Variants in NLRC3 observed in about 807,000 individuals in gnomAD.
The protein encoded by NLRC3 is NLR family CARD domain containing 3, also known as NLR family CARD domain-containing protein 3.
Under a neutral mutation model 91.6 loss-of-function variants are expected in NLRC3, and 87 were observed. The ratio of observed to expected loss-of-function variants is 0.95; its 90% CI spans 0.80 to 1.14. The LOEUF is 1.14. Ranked by LOEUF, NLRC3 falls within the 50% of genes most tolerant of loss-of-function variation. NLRC3 has a pLI of 0.00. For synonymous variants in NLRC3, 694 were observed against 625.3 expected (o/e 1.11, Z -1.64); for missense variants, 1,577 against 1,418.6 (o/e 1.11, Z -1.79).
In NLRC3 at chr16:3,573,528, C is replaced by A. The variant is rs901237483; in HGVS notation, c.-169+3621G>T. 2.6e-5 allele frequency among the ~76,000 whole-genome samples: 4 copies of A among 152,148 alleles called. No individual in the cohort carries two copies. The South Asian group carries it at 8.3e-4, about 32-fold the overall frequency. ...GCCTGATATGCCAGAGGCCAGGATACGGGGTCCTCTGTCCTTCACTGTGTG... is the reference window on the plus strand; with the variant it reads ...GCCTGATATGCCAGAGGCCAGGATAAGGGGTCCTCTGTCCTTCACTGTGTG... On this transcript the variant is annotated intron_variant, in intron 1 of 19. Transcript: ENST00000359128.
chr16:3,570,142 C>G (rs2040046755), intron 1 of NLRC3, among the ~76,000 whole-genome samples: 1 of 151,952 alleles, frequency 6.6e-6, no homozygotes, highest in African/African-American at 2.4e-5. Context: ...GCTGTATAAT[C>G]TACTGCCTCT....
rs540032572 is a variant in NLRC3, at chr16:3,563,606, G to A, written c.1331C>T (p.Thr444Met). The change falls in exon 5 of 20, where the codon ACG becomes ATG. Residue 444 changes from threonine (T) to methionine (M), a missense_variant. Physicochemically the swap from Thr to Met is moderately conservative, Grantham distance 81. Coordinates refer to ENST00000359128, the MANE Select transcript of NLRC3 (RefSeq NM_178844.4). The part of the protein sequence containing the change: ...PCSCFLQREE[T>M]LASSVAYCFT... Reference sequence around the variant, plus strand: ...GCAGTAGGCCACTGACGATGCCAACGTCTCCTCTCTCTGCAGGAAGCAGCT... The same window carrying A: ...GCAGTAGGCCACTGACGATGCCAACATCTCCTCTCTCTGCAGGAAGCAGCT... 52 of 1,613,266 alleles carry A rather than the reference G, an allele frequency of 3.2e-5. No individual in the cohort carries two copies. The Admixed American group carries it at 4.0e-4, about 12-fold the overall frequency.
intron 15 of NLRC3, among the ~76,000 whole-genome samples, chr16:3,546,596 G>A (rs1461008861): frequency 3.3e-5 from 5 of 152,200 alleles, no homozygotes; most frequent in African/African-American, 9.6e-5. Context: ...AGTGGGAGGT[G>A]AGAGTGAAGG....
chr16:3,560,581 C>T (rs983142291), intron 6 of NLRC3, among the ~76,000 whole-genome samples: 3 of 152,328 alleles, frequency 2.0e-5, no homozygotes, highest in East Asian at 1.9e-4. Flanking sequence ...TTCCAGGAGA[C>T]GTTTCATAAG....
At chr16:3,548,287 G>T in intron 14 of NLRC3, 69 bp from the exon 15 acceptor site, 1 of 1,216,856 alleles carries the variant, frequency 8.2e-7, no homozygotes, top group Non-Finnish European at 1.2e-6. Flanking sequence ...GAGCCAAGGA[G>T]GCTCTGATGG....
At chr16:3,571,660 T>C (rs2040102244) in intron 1 of NLRC3, among the ~76,000 whole-genome samples, 1 of 151,764 alleles carries the variant, frequency 6.6e-6, no homozygotes, top group Non-Finnish European at 1.5e-5. Context: ...TTAAAATATT[T>C]GCCAGGCGTG....
At chr16:3,575,592 C>A (rs1417557665) in intron 1 of NLRC3, among the ~76,000 whole-genome samples, 1 of 152,202 alleles carries the variant, frequency 6.6e-6, no homozygotes, top group Non-Finnish European at 1.5e-5. Flanking sequence ...AGGTTTCACC[C>A]CTAGAGCTTT....
rs1018795818 is a variant in NLRC3, at chr16:3,549,771, G to T, written c.2445C>A (p.Ser815Arg). ...CCACTCCTGCGTCACTGATGGAATTGCTCTGCAGGCTGCGGAAAGAGGAGG... is the reference window on the plus strand; with the variant it reads ...CCACTCCTGCGTCACTGATGGAATTTCTCTGCAGGCTGCGGAAAGAGGAGG... Reference protein sequence around the residue: ...NQGLESLDLQSNSISDAGVAA... With the variant: ...NQGLESLDLQRNSISDAGVAA... The change falls in exon 12 of 20, where the codon AGC (serine) becomes AGA (arginine). Residue 815 changes from serine to arginine, a missense_variant. Transcript: ENST00000359128. 1 of 1,550,372 alleles carries T rather than the reference G, an allele frequency of 6.5e-7. No individual in the cohort carries two copies. The highest frequency in any genetic ancestry group is 1.4e-5 in the African/African-American group (1 of 73,030).
chr16:3,575,599 C>T (rs988512545), intron 1 of NLRC3, among the ~76,000 whole-genome samples: 1 of 152,212 alleles, frequency 6.6e-6, no homozygotes, highest in African/African-American at 2.4e-5. Flanking sequence ...ACCCCTAGAG[C>T]TTTGTCTGTG....
intron 1 of NLRC3, among the ~76,000 whole-genome samples, chr16:3,575,424 CAG>C (rs1161515446): frequency 2.0e-5 from 3 of 151,858 alleles, no homozygotes; most frequent in African/African-American, 2.4e-5. Flanking sequence ...AGCTGAAAGA[CAG>C]AGAGACTGAG....
At chr16:3,557,041 A>G (rs1257120256) in intron 7 of NLRC3, 47 bp from the exon 8 acceptor site, 2 of 1,340,266 alleles carry the variant, frequency 1.5e-6, no homozygotes, top group Admixed American at 3.4e-5. Context: ...TCTCCCAGAG[A>G]GGGAAGGGGA....
intron 1 of NLRC3, among the ~76,000 whole-genome samples, chr16:3,567,542 G>C (rs948504951): frequency 4.6e-5 from 7 of 152,050 alleles, no homozygotes; most frequent in Non-Finnish European, 7.4e-5. Flanking sequence ...GGGAGGCTGA[G>C]GCAGGCGGAT....
chr16:3,561,169 G>A (rs2039591894), intron 6 of NLRC3, among the ~76,000 whole-genome samples: 1 of 151,596 alleles, frequency 6.6e-6, no homozygotes, highest in African/African-American at 2.4e-5. Flanking sequence ...GGTTAACATG[G>A]TGAAACCCTG....
chr16:3,564,275 A>G lies in NLRC3; in HGVS notation c.662T>C (p.Leu221Ser). 1.9e-6 allele frequency: 3 copies of G among 1,612,248 alleles called. No homozygotes were observed. Among genetic ancestry groups the G allele is most frequent in the Non-Finnish European group, 2.5e-6 (3 of 1,179,606 alleles). ...PARALLILDGLDECRTPLDFS... is the reference protein window; with the variant it reads ...PARALLILDGSDECRTPLDFS... ...GTCCAGAGGCGTCCTGCACTCATCC[A>G]AGCCGTCCAGGATCAGGAGGGCCCT... Residue 221 changes from leucine to serine, a missense_variant, in exon 5 of 20, where the codon TTG becomes TCG. Leu to Ser is a moderately radical substitution (Grantham distance 145, BLOSUM62 -2). Coordinates refer to ENST00000359128, the MANE Select transcript of NLRC3 (RefSeq NM_178844.4). The surrounding 1 kb of genome is among the most constrained non-coding windows in gnomAD (Gnocchi z 5.9).
Position 3,557,629 on chromosome 16 carries a change from C to A in NLRC3, c.2063G>T (p.Arg688Ile). Reference sequence around the variant, plus strand: ...CAGACTTCTGTTGACCAAGAGGGATCTGGCCAGAGCTTTGGCCCCTTTGTT... The same window carrying A: ...CAGACTTCTGTTGACCAAGAGGGATATGGCCAGAGCTTTGGCCCCTTTGTT... ...ISNKGAKALA[R>I]SLLVNRSLTS... Residue 688 changes from arginine to isoleucine, a missense_variant, in exon 7 of 20, where the codon AGA (arginine) becomes ATA (isoleucine). Physicochemically the swap from Arg to Ile is moderately conservative, Grantham distance 97 (BLOSUM62 -3). Transcript: ENST00000359128. The A allele has an allele frequency of 6.2e-7, 1 of 1,613,708 alleles. No homozygotes were observed. Among genetic ancestry groups the A allele is most frequent in the Non-Finnish European group, 8.5e-7 (1 of 1,179,704 alleles).
Position 3,556,989 on chromosome 16 carries a change from C to T in NLRC3, c.2105G>A (p.Arg702His), listed in dbSNP as rs752463243. The T allele has an allele frequency of 1.2e-5, 20 of 1,612,470 alleles. No individual in the cohort carries two copies. Among genetic ancestry groups the T allele is most frequent in the East Asian group, 4.5e-5 (2 of 44,870 alleles). The change falls in exon 8 of 20, where the codon CGC (arginine) becomes CAC (histidine). Residue 702 changes from arginine to histidine, a missense_variant. Transcript: ENST00000359128. ...CCCTTGTGGTCCAATGGAGTTACCG[C>T]GGAGGCTGAAGGAAGAGAGAAAGAG... ...VNRSLTSLDLRGNSIGPQGAK... is the reference protein window; with the variant it reads ...VNRSLTSLDLHGNSIGPQGAK...
In NLRC3 at chr16:3,566,846, G is replaced by A. The variant is rs116117873; in HGVS notation, c.-87+397C>T. On this transcript the variant is annotated intron_variant, in intron 2 of 19. Coordinates refer to ENST00000359128, the MANE Select transcript of NLRC3 (RefSeq NM_178844.4). The stretch of plus-strand genomic sequence containing the variant: ...GTAGAGGCTGCAATGAGCTGAGATT[G>A]CGCCACTGCACTCCAGTCGGAGGGG... Among the ~76,000 whole-genome samples, 677 of 152,308 alleles carry A rather than the reference G, an allele frequency of 4.4e-3. 6 individuals are homozygous for A. Among genetic ancestry groups the A allele is most frequent in the African/African-American group, 0.015 (642 of 41,556 alleles).
intron 8 of NLRC3, among the ~76,000 whole-genome samples, chr16:3,555,101 A>G (rs774609165): frequency 3.3e-5 from 5 of 151,988 alleles, no homozygotes; most frequent in Non-Finnish European, 5.9e-5. Context: ...GTGGTGGCAC[A>G]TGCCTGTAAT....
chr16:3,564,269 T>G lies in NLRC3; in HGVS notation c.668A>C (p.Glu223Ala). Residue 223 changes from glutamate to alanine, a missense_variant, in exon 5 of 20, where the codon GAG becomes GCG. Glu to Ala is a moderately radical substitution (Grantham distance 107). Coordinates refer to ENST00000359128, the MANE Select transcript of NLRC3 (RefSeq NM_178844.4). The surrounding 1 kb of genome is among the most constrained non-coding windows in gnomAD (Gnocchi z 5.9). ...RALLILDGLD[E>A]CRTPLDFSNT... is the part of the protein sequence containing the mutation. Reference sequence around the variant, plus strand: ...GGAGAAGTCCAGAGGCGTCCTGCACTCATCCAAGCCGTCCAGGATCAGGAG... The same window carrying G: ...GGAGAAGTCCAGAGGCGTCCTGCACGCATCCAAGCCGTCCAGGATCAGGAG... 6.2e-7 allele frequency: 1 copy of G among 1,612,342 alleles called. No homozygotes were observed. Among genetic ancestry groups the G allele is most frequent in the Non-Finnish European group, 8.5e-7 (1 of 1,179,640 alleles).
Sources: allele counts gnomAD v4.1 joint callset (sites outside exome capture counted in the v4.1 genomes callset), GRCh38; gene constraint gnomAD v4.1.1; non-coding constraint Gnocchi (gnomAD v3.1); transcripts MANE v1.5; gene names NCBI Gene and HGNC (gene_info 2026-07-23, HGNC 2026-07-21).